Variants in SNX2 observed in about 807,000 individuals in gnomAD.
SNX2 encodes the protein sorting nexin-2.
A neutral mutation model predicts 69.9 loss-of-function variants in SNX2; 25 were observed. The observed-to-expected ratio is 0.36, with a 90% CI of 0.26 to 0.50. The LOEUF is 0.50. Ranked by LOEUF, SNX2 falls within the 20% of genes least tolerant of loss-of-function variation. The pLI, the probability that SNX2 is intolerant of heterozygous loss-of-function variation, is 0.97. For synonymous variants in SNX2, 229 were observed against 200.4 expected (o/e 1.14, Z -1.20); for missense variants, 551 against 613.3 (o/e 0.90, Z 1.07).
intron 1 of SNX2, among the ~76,000 whole-genome samples, chr5:122,788,651 A>G (rs1030833633): frequency 6.6e-6 from 1 of 152,210 alleles, no homozygotes; most frequent in Non-Finnish European, 1.5e-5. Context: ...ATAACAACCC[A>G]TTATTCTCTT....
chr5:122,792,179 T>A (rs1367912967), intron 1 of SNX2, among the ~76,000 whole-genome samples: 1 of 152,230 alleles, frequency 6.6e-6, no homozygotes, highest in Non-Finnish European at 1.5e-5. Flanking sequence ...CTATAAGAGT[T>A]TGAAACTACT....
intron 1 of SNX2, among the ~76,000 whole-genome samples, chr5:122,790,115 G>A (rs1753195291): frequency 6.6e-6 from 1 of 152,142 alleles, no homozygotes; most frequent in Non-Finnish European, 1.5e-5. Flanking sequence ...TGACAGCTGA[G>A]GAGGATCCAC....
intron 1 of SNX2, among the ~76,000 whole-genome samples, chr5:122,789,304 C>T (rs575388894): frequency 3.0e-4 from 45 of 152,274 alleles, no homozygotes; most frequent in Middle Eastern, 3.4e-3. Flanking sequence ...TACACATGTG[C>T]TGCTCAGGGT....
intron 11 of SNX2, 107 bp from the exon 12 acceptor site, chr5:122,825,943 A>C (rs3213794): frequency 0.59 from 541,745 of 916,890 alleles, 163,358 homozygotes; most frequent in African/African-American, 0.81. Flanking sequence ...ATTAGAATAG[A>C]ACTTAAATAC....
At chr5:122,828,657 C>T in intron 14 of SNX2, among the ~76,000 whole-genome samples, 1 of 151,996 alleles carries the variant, frequency 6.6e-6, no homozygotes, top group East Asian at 1.9e-4. Context: ...TATATGGTAA[C>T]ACTGTTCTGT....
At chr5:122,795,139 T>C in intron 1 of SNX2, 127 bp from the exon 2 acceptor site, 1 of 639,272 alleles carries the variant, frequency 1.6e-6, no homozygotes, top group Non-Finnish European at 2.8e-6. Context: ...GGAGGATATA[T>C]AAATAGCTGT....
In SNX2 at chr5:122,815,785, A is replaced by G. The variant is rs187603187; in HGVS notation, c.723-111A>G. On this transcript the variant is annotated intron_variant, in intron 7 of 14. Coordinates refer to ENST00000379516, the MANE Select transcript of SNX2 (RefSeq NM_003100.4). ...GTAATTACAGTGAGAGTAGTCTAAT[A>G]CGAGGTAGTGAGGACACTTTTTTTT... 5 of 522,110 alleles carry G rather than the reference A, an allele frequency of 9.6e-6. No homozygotes were observed. In the Admixed American group the frequency reaches 1.9e-4, roughly 19 times the overall value. 32.3% of individuals were successfully genotyped at this position (522,110 alleles called of 1,614,324 possible).
chr5:122,804,583 G>T (rs55928117), intron 6 of SNX2, among the ~76,000 whole-genome samples: 53,569 of 151,504 alleles, frequency 0.35, 10,054 homozygotes, highest in African/African-American at 0.46. Context: ...TGGCCTGTCT[G>T]GTCTTGAACT....
intron 6 of SNX2, chr5:122,804,009 C>T (rs1339372284): frequency 2.0e-5 from 3 of 153,110 alleles, no homozygotes; most frequent in Non-Finnish European, 2.9e-5. Context: ...CATGGTGGCA[C>T]GTGCCTGTAA....
rs74711151 is a variant in SNX2, at chr5:122,829,849, T to C, written c.*201T>C. 2,200 of 584,704 alleles carry C rather than the reference T, an allele frequency of 3.8e-3. 38 individuals are homozygous for C. The highest frequency in any genetic ancestry group is 0.036 in the African/African-American group (1,929 of 53,352). 36.2% of individuals were successfully genotyped at this position (584,704 alleles called of 1,614,324 possible). ...TTACAAGCTGCATGTCCTGACCCTC[T>C]TTGAATTAAGTGGACTGTGGCATGA... On this transcript the variant is annotated 3_prime_UTR_variant, in exon 15 of 15. Coordinates refer to ENST00000379516, the MANE Select transcript of SNX2 (RefSeq NM_003100.4).
chr5:122,816,465 T>C (rs192314936), intron 8 of SNX2, among the ~76,000 whole-genome samples: 1 of 152,172 alleles, frequency 6.6e-6, no homozygotes, highest in South Asian at 2.1e-4. Context: ...CTAGTTTGCA[T>C]TTTTTTCTTT....
chr5:122,810,003 G>T (rs1306791917), intron 7 of SNX2, among the ~76,000 whole-genome samples: 5 of 151,876 alleles, frequency 3.3e-5, no homozygotes, highest in Non-Finnish European at 5.9e-5. Flanking sequence ...GATGGTTGCC[G>T]GGTCTGTGTG....
rs1254879585 is a variant in SNX2, at chr5:122,834,454, GT to G, written c.*4810del. ...TTAAGGTCAGTTAATGGGATAAACC[GT>G]TTTAAGAGAGTTGAGAAAAAATAAA... On this transcript the variant is annotated 3_prime_UTR_variant, in exon 15 of 15. Coordinates refer to ENST00000379516, the MANE Select transcript of SNX2 (RefSeq NM_003100.4). 6.6e-6 allele frequency: 1 copy of G among 152,106 alleles called. No individual in the cohort carries two copies. The highest frequency in any genetic ancestry group is 1.5e-5 in the Non-Finnish European group (1 of 67,998). The allele number at this position is 152,106 out of a possible 1,614,324, so 9.4% of individuals were successfully genotyped here. A position where few individuals can be genotyped will look rare whatever the true frequency, so the allele number is the denominator to read the frequency against.
chr5:122,806,168 A>ACACACACACACACACACACACCCC (rs1491247026), intron 6 of SNX2, among the ~76,000 whole-genome samples: 5 of 145,642 alleles, frequency 3.4e-5, no homozygotes, highest in African/African-American at 1.3e-4. Flanking sequence ...ACACACACAC[A>ACACACACACACACACACACACCCC]GCCCACCATT....
intron 7 of SNX2, among the ~76,000 whole-genome samples, chr5:122,809,088 A>G (rs1327219152): frequency 2.0e-5 from 3 of 152,176 alleles, no homozygotes; most frequent in Admixed American, 6.5e-5. Flanking sequence ...TTACATCTAT[A>G]CTAAACATGT....
intron 7 of SNX2, among the ~76,000 whole-genome samples, chr5:122,808,989 T>A (rs1199102954): frequency 6.6e-6 from 1 of 152,146 alleles, no homozygotes; most frequent in Non-Finnish European, 1.5e-5. Context: ...TTTGCTTGAG[T>A]TGACTATATA....
Position 122,799,747 on chromosome 5 carries a change from G to T in SNX2, c.282G>T (p.Ser94=), listed in dbSNP as rs145834099. 1.2e-6 allele frequency: 2 copies of T among 1,613,558 alleles called. No homozygotes were observed. Among genetic ancestry groups the T allele is most frequent in the East Asian group, 2.2e-5 (1 of 44,868 alleles). Residue 94 remains serine (S), a synonymous_variant, in exon 3 of 15, where the codon TCG becomes TCT. Transcript: ENST00000379516. The stretch of plus-strand genomic sequence containing the variant: ...CTGAAAGGGAACCTATCCTATCCTC[G>T]GAACCTTCTCCTGCAGTCACACCTG... ...DSPEREPILS[S]EPSPAVTPVT... is the part of the protein sequence containing the mutation.
intron 1 of SNX2, among the ~76,000 whole-genome samples, chr5:122,789,476 C>CGG (rs1368867721): frequency 2.3e-5 from 2 of 88,474 alleles, no homozygotes; most frequent in Admixed American, 1.1e-4. Context: ...CACACACGGA[C>CGG]ACACACACAC....
At chr5:122,804,503 C>T (rs1466002486) in intron 6 of SNX2, among the ~76,000 whole-genome samples, 1 of 151,768 alleles carries the variant, frequency 6.6e-6, no homozygotes, top group Non-Finnish European at 1.5e-5. Context: ...GTAGCTAGGA[C>T]TGCAGGCACA....
Sources: gnomAD v4.1 joint callset for allele counts (sites outside exome capture counted in the v4.1 genomes callset) on GRCh38, gnomAD v4.1.1 for gene constraint, MANE v1.5 for transcripts, NCBI Gene and HGNC (gene_info 2026-07-23, HGNC 2026-07-21) for gene names.